GALNTL6: variants seen among roughly 807,000 people sequenced by gnomAD.
The protein encoded by GALNTL6 is polypeptide N-acetylgalactosaminyltransferase-like 6.
GALNTL6 carries 46 observed loss-of-function variants against 73.7 expected under a neutral mutation model. That is an observed-to-expected ratio of 0.62 (90% CI 0.49 to 0.80). GALNTL6 has a LOEUF of 0.80. GALNTL6 is among the 30% of genes least tolerant of loss of function. The pLI is 0.00. For synonymous variants in GALNTL6, 259 were observed against 263.7 expected, an observed-to-expected ratio of 0.98 and a Z score of 0.17; for missense variants, 604 against 755.0, an observed-to-expected ratio of 0.80 and a Z score of 2.34.
intron 5 of GALNTL6, among the ~76,000 whole-genome samples, chr4:172,387,280 T>A (rs1162614080): frequency 6.6e-6 from 1 of 152,200 alleles, no homozygotes; most frequent in Non-Finnish European, 1.5e-5. Flanking sequence ...TGTTTTTATC[T>A]ATTGTCTTTT....
intron 2 of GALNTL6, among the ~76,000 whole-genome samples, chr4:171,868,522 A>G (rs1351335301): frequency 6.6e-6 from 1 of 152,160 alleles, no homozygotes; most frequent in Non-Finnish European, 1.5e-5. Flanking sequence ...AAAATGCAGG[A>G]CTTGACACAA....
chr4:172,736,647 G>A (rs1579415355), intron 5 of GALNTL6, among the ~76,000 whole-genome samples: 1 of 152,240 alleles, frequency 6.6e-6, no homozygotes, highest in African/African-American at 2.4e-5. Flanking sequence ...ATTGATTAGG[G>A]AAGTGATAAA....
At chr4:172,658,235 G>A (rs1296163853) in intron 5 of GALNTL6, among the ~76,000 whole-genome samples, 1 of 149,576 alleles carries the variant, frequency 6.7e-6, no homozygotes, top group African/African-American at 2.5e-5. Flanking sequence ...GGGAGGCCGA[G>A]ACGGGTGGAT....
At chr4:172,370,915 G>T (rs1393901491) in intron 5 of GALNTL6, among the ~76,000 whole-genome samples, 1 of 152,182 alleles carries the variant, frequency 6.6e-6, no homozygotes, top group Non-Finnish European at 1.5e-5. Context: ...AGAGTGTGTG[G>T]TAGTAGGATA....
chr4:172,269,917 A>G (rs28635685), intron 3 of GALNTL6, among the ~76,000 whole-genome samples: 53,470 of 151,642 alleles, frequency 0.35, 9,449 homozygotes, highest in Non-Finnish European at 0.38. Context: ...ATGGCCAGCT[A>G]ATTTTTTGTA....
chr4:172,606,426 C>T (rs184097889), intron 5 of GALNTL6, among the ~76,000 whole-genome samples: 30 of 143,246 alleles, frequency 2.1e-4, no homozygotes, highest in East Asian at 1.4e-3. Flanking sequence ...TGCATTCCAG[C>T]GTGGGCAACA....
intron 2 of GALNTL6, among the ~76,000 whole-genome samples, chr4:171,888,861 G>T (rs1458899767): frequency 6.6e-6 from 1 of 151,992 alleles, no homozygotes; most frequent in Non-Finnish European, 1.5e-5. Context: ...CCTTGGCTAG[G>T]AGTCTATTTG....
chr4:172,160,449 G>C (rs1487091286), intron 2 of GALNTL6, among the ~76,000 whole-genome samples: 2 of 152,064 alleles, frequency 1.3e-5, no homozygotes. Flanking sequence ...TCACATAAAA[G>C]TCCATTGGAT....
chr4:171,859,951 T>C (rs1735789019), intron 2 of GALNTL6, among the ~76,000 whole-genome samples: 2 of 152,218 alleles, frequency 1.3e-5, no homozygotes, highest in Admixed American at 6.5e-5. Context: ...AAACACTCTT[T>C]TCAGGAATTA....
intron 5 of GALNTL6, among the ~76,000 whole-genome samples, chr4:172,559,019 CT>C (rs1398037570): frequency 1.4e-5 from 2 of 145,508 alleles, no homozygotes; most frequent in Admixed American, 1.4e-4. Flanking sequence ...ATAAAATTTC[CT>C]GAGATATAAG....
rs1195570934 is a variant in GALNTL6 at position 172,057,853 on chromosome 4, G to A, written c.139-171803G>A. On this transcript the variant is annotated intron_variant, in intron 2 of 12. Transcript: ENST00000506823. Reference sequence around the variant, plus strand: ...TGTGATAAACTTTCCATTGATTAATGTGGTGTTTTTAACACGATTTATTAT... The same window carrying A: ...TGTGATAAACTTTCCATTGATTAATATGGTGTTTTTAACACGATTTATTAT... Among the ~76,000 whole-genome samples the A allele has an allele frequency of 7.3e-5, 11 of 150,174 alleles. No homozygotes were observed. In the East Asian group the frequency reaches 2.2e-3, roughly 29 times the overall value.
chr4:172,548,108 G>T (rs1735837025), intron 5 of GALNTL6, among the ~76,000 whole-genome samples: 1 of 152,262 alleles, frequency 6.6e-6, no homozygotes, highest in Non-Finnish European at 1.5e-5. Context: ...CACGGAGAAG[G>T]TTCTATAAAT....
chr4:172,619,989 A>G, intron 5 of GALNTL6, among the ~76,000 whole-genome samples: 1 of 152,212 alleles, frequency 6.6e-6, no homozygotes, highest in East Asian at 1.9e-4. Context: ...CAAACATGTC[A>G]CATGCCTCTT....
At chr4:172,245,540 T>A (rs756384921) in intron 3 of GALNTL6, among the ~76,000 whole-genome samples, 3 of 152,162 alleles carry the variant, frequency 2.0e-5, no homozygotes, top group Non-Finnish European at 4.4e-5. Context: ...TTAACAAAGT[T>A]TTGCAACATG....
chr4:172,138,454 T>A (rs2111032116), intron 2 of GALNTL6, among the ~76,000 whole-genome samples: 2 of 111,834 alleles, frequency 1.8e-5, no homozygotes, highest in South Asian at 6.5e-4. Context: ...TGATGTCTAA[T>A]TATATTAATT....
intron 7 of GALNTL6, among the ~76,000 whole-genome samples, chr4:172,836,185 G>A (rs1252572828): frequency 6.6e-6 from 1 of 152,154 alleles, no homozygotes; most frequent in East Asian, 1.9e-4. Flanking sequence ...TGCCCACTTG[G>A]TTCAGCATGG....
At chr4:172,128,920 C>G (rs1289830420) in intron 2 of GALNTL6, among the ~76,000 whole-genome samples, 2 of 152,148 alleles carry the variant, frequency 1.3e-5, no homozygotes, top group African/African-American at 4.8e-5. Context: ...GCTCTGAGCT[C>G]AAGATTTTGG....
At chr4:172,327,241 A>G (rs932414687) in intron 4 of GALNTL6, among the ~76,000 whole-genome samples, 2 of 152,080 alleles carry the variant, frequency 1.3e-5, no homozygotes, top group Non-Finnish European at 2.9e-5. Context: ...TTTTATATCT[A>G]TTGTGCTGTG....
At chr4:172,655,210 T>C (rs1340222751) in intron 5 of GALNTL6, among the ~76,000 whole-genome samples, 1 of 152,220 alleles carries the variant, frequency 6.6e-6, no homozygotes, top group Non-Finnish European at 1.5e-5. Context: ...TTCAAAATCC[T>C]TTGCTCATTT....
Sources: gnomAD v4.1 joint callset for allele counts (sites outside exome capture counted in the v4.1 genomes callset) on GRCh38, gnomAD v4.1.1 for gene constraint, MANE v1.5 for transcripts, NCBI Gene and HGNC (gene_info 2026-07-23, HGNC 2026-07-21) for gene names.